Variants in SLAIN2 observed in about 807,000 individuals in gnomAD.
SLAIN2 encodes SLAIN family member 2.
A neutral mutation model predicts 56.6 loss-of-function variants in SLAIN2; 31 were observed. The observed-to-expected ratio is 0.55, with a 90% confidence interval of 0.41 to 0.74. SLAIN2 has a LOEUF of 0.74. Ranked by LOEUF, SLAIN2 falls within the 30% of genes least tolerant of loss-of-function variation. The pLI is 0.00. For synonymous variants in SLAIN2, 317 were observed against 284.9 expected (o/e 1.11, Z -1.13); for missense variants, 777 against 754.2 (o/e 1.03, Z -0.35).
intron 1 of SLAIN2, among the ~76,000 whole-genome samples, chr4:48,367,348 G>A (rs1423948352): frequency 6.6e-6 from 1 of 152,214 alleles, no homozygotes; most frequent in Non-Finnish European, 1.5e-5. Context: ...TGTACCCAGG[G>A]CTTACTGAAT....
At chr4:48,405,804 T>G (rs934994802) in intron 6 of SLAIN2, among the ~76,000 whole-genome samples, 18 of 152,158 alleles carry the variant, frequency 1.2e-4, no homozygotes, top group African/African-American at 4.1e-4. Context: ...GAGAATTTTT[T>G]CCTTATTTGG....
chr4:48,419,566 C>G (rs568344651), intron 6 of SLAIN2, among the ~76,000 whole-genome samples: 1 of 151,936 alleles, frequency 6.6e-6, no homozygotes, highest in South Asian at 2.1e-4. Context: ...GCCCAGCTGC[C>G]TTTTTGTTTG....
At chr4:48,364,624 G>C (rs1715456602) in intron 1 of SLAIN2, among the ~76,000 whole-genome samples, 1 of 110,428 alleles carries the variant, frequency 9.1e-6, no homozygotes, top group African/African-American at 3.1e-5. Context: ...CTGCAATCCC[G>C]GCACCTCGGG....
chr4:48,363,806 G>C (rs868863404), intron 1 of SLAIN2, among the ~76,000 whole-genome samples: 239 of 60,528 alleles, frequency 3.9e-3, no homozygotes, highest in Middle Eastern at 0.017. Context: ...GCTGACCCCC[G>C]CATCTCCCTC....
At position 48,341,706 on chromosome 4, in the gene SLAIN2, G is replaced by A. The variant is rs771178016; in HGVS notation, c.-34G>A. The A allele has an allele frequency of 6.6e-7, 1 of 1,521,834 alleles. No homozygotes were observed. The highest frequency in any genetic ancestry group is 2.1e-5 in the Admixed American group (1 of 48,008). 94.3% of individuals were successfully genotyped at this position (1,521,834 alleles called of 1,614,324 possible). On this transcript the variant is annotated 5_prime_UTR_variant, in exon 1 of 8. Transcript: ENST00000264313. ...TTTCCCTGTCGCTGCGAGAGCGAGC[G>A]GGCGGCGGAGGCGGCGGCGGCGGCG...
intron 6 of SLAIN2, among the ~76,000 whole-genome samples, chr4:48,386,090 G>GAAAAA: frequency 1.3e-5 from 1 of 76,826 alleles, no homozygotes; most frequent in Non-Finnish European, 2.9e-5. Flanking sequence ...TCTATTGAAA[G>GAAAAA]AAAAAAAAAA....
Position 48,348,585 on chromosome 4 carries a change from G to A in SLAIN2, c.389+6457G>A, listed in dbSNP as rs541373930. Among the ~76,000 whole-genome samples the A allele has an allele frequency of 3.3e-5, 5 of 151,910 alleles. No individual in the cohort carries two copies. The East Asian group carries it at 9.7e-4, about 29-fold the overall frequency. ...GGCGCCTGTAATCCCAGCTACTTGG[G>A]AGGCTGAGGGAGGAGAATTGCTTGA... On this transcript the variant is annotated intron_variant, in intron 1 of 7. Transcript: ENST00000264313.
At chr4:48,395,665 T>C (rs1026673097) in intron 6 of SLAIN2, among the ~76,000 whole-genome samples, 1 of 152,152 alleles carries the variant, frequency 6.6e-6, no homozygotes, top group African/African-American at 2.4e-5. Context: ...AAGTTGACCA[T>C]GGGCCTCCAA....
chr4:48,389,844 T>C (rs1182997604), intron 6 of SLAIN2, among the ~76,000 whole-genome samples: 1 of 152,170 alleles, frequency 6.6e-6, no homozygotes, highest in Non-Finnish European at 1.5e-5. Flanking sequence ...TTTTAAAATA[T>C]CATAGGAGTT....
intron 2 of SLAIN2, among the ~76,000 whole-genome samples, chr4:48,371,340 T>C (rs1210829902): frequency 6.6e-6 from 1 of 152,166 alleles, no homozygotes; most frequent in Non-Finnish European, 1.5e-5. Flanking sequence ...CCCAATCTGC[T>C]GGGATTACAG....
intron 1 of SLAIN2, among the ~76,000 whole-genome samples, chr4:48,345,609 CTG>C (rs1232510081): frequency 2.0e-5 from 3 of 152,036 alleles, no homozygotes; most frequent in African/African-American, 4.8e-5. Flanking sequence ...AGATGTTAAA[CTG>C]TGTCTTCCTA....
intron 6 of SLAIN2, among the ~76,000 whole-genome samples, chr4:48,389,511 C>T (rs76538028): frequency 2.4e-3 from 360 of 152,282 alleles, no homozygotes; most frequent in East Asian, 0.011. Flanking sequence ...AGACAGCCCA[C>T]GCCTTCCAGT....
At chr4:48,375,569 A>AT (rs966667580) in intron 2 of SLAIN2, among the ~76,000 whole-genome samples, 3 of 151,272 alleles carry the variant, frequency 2.0e-5, no homozygotes, top group African/African-American at 2.4e-5. Flanking sequence ...GATTTCTGTC[A>AT]TTTTTTCTCC....
intron 1 of SLAIN2, among the ~76,000 whole-genome samples, chr4:48,369,169 A>G (rs1715602184): frequency 6.6e-6 from 1 of 152,166 alleles, no homozygotes; most frequent in South Asian, 2.1e-4. Context: ...ATTAATAGTA[A>G]CTGACATAAT....
rs1716381561 is a variant in SLAIN2 at position 48,396,164 on chromosome 4, A to ACTAC, written c.1360+12384_1360+12387dup. Among the ~76,000 whole-genome samples, 5 of 152,238 alleles carry ACTAC rather than the reference A, an allele frequency of 3.3e-5. No individual in the cohort carries two copies. In the South Asian group the frequency reaches 1.0e-3, roughly 32 times the overall value. On this transcript the variant is annotated intron_variant, in intron 6 of 7. Transcript: ENST00000264313. ...TATTTTTATCACTCCAAGCTACCAA[A>ACTAC]CTACCTATCCTCTCTGATAAGATAA...
rs546463622 is a variant in SLAIN2, at chr4:48,399,318, G to A, written c.1360+15534G>A. Among the ~76,000 whole-genome samples the A allele has an allele frequency of 7.9e-5, 12 of 152,260 alleles. No individual in the cohort carries two copies. In the East Asian group the frequency reaches 1.2e-3, roughly 15 times the overall value. On this transcript the variant is annotated intron_variant, in intron 6 of 7. Coordinates refer to ENST00000264313, the MANE Select transcript of SLAIN2 (RefSeq NM_020846.2). The stretch of plus-strand genomic sequence containing the variant: ...GGCCCTCCGCTTGCCTGTTTTTGGT[G>A]TATAGGAATGCTAGTGATTTTTGCA...
At chr4:48,388,191 T>A (rs1450802736) in intron 6 of SLAIN2, among the ~76,000 whole-genome samples, 1 of 152,194 alleles carries the variant, frequency 6.6e-6, no homozygotes, top group Non-Finnish European at 1.5e-5. Context: ...TAATGTATCT[T>A]CATTTTTATA....
At chr4:48,398,116 A>T (rs1195578909) in intron 6 of SLAIN2, among the ~76,000 whole-genome samples, 1 of 151,686 alleles carries the variant, frequency 6.6e-6, no homozygotes, top group Non-Finnish European at 1.5e-5. Context: ...ACTAATTTAC[A>T]CTCCCACCAG....
At chr4:48,359,959 G>A (rs781245870) in intron 1 of SLAIN2, among the ~76,000 whole-genome samples, 1 of 152,042 alleles carries the variant, frequency 6.6e-6, no homozygotes, top group African/African-American at 2.4e-5. Flanking sequence ...TTCGAGACCA[G>A]CCTGACCAAC....
Sources: allele counts gnomAD v4.1 joint callset (sites outside exome capture counted in the v4.1 genomes callset), GRCh38; gene constraint gnomAD v4.1.1; transcripts MANE v1.5; gene names NCBI Gene and HGNC (gene_info 2026-07-23, HGNC 2026-07-21).